Variants in ANKS1B observed in about 807,000 individuals in gnomAD.
ANKS1B encodes the protein ankyrin repeat and sterile alpha motif domain containing 1B.
ANKS1B carries 36 observed loss-of-function variants against 148.3 expected under a neutral mutation model. That is an observed-to-expected ratio of 0.24 (90% CI 0.19 to 0.32). The LOEUF (loss-of-function observed/expected upper bound fraction) is 0.32. Ranked by LOEUF, ANKS1B falls within the 10% of genes least tolerant of loss-of-function variation. ANKS1B has a pLI of 1.00. For synonymous variants in ANKS1B, 542 were observed against 560.8 expected (o/e 0.97, Z 0.47); for missense variants, 1,157 against 1,542.6 (o/e 0.75, Z 4.19).
intron 1 of ANKS1B, among the ~76,000 whole-genome samples, chr12:99,912,704 T>C (rs1195734358): frequency 6.6e-6 from 1 of 152,142 alleles, no homozygotes; most frequent in Admixed American, 6.6e-5. Flanking sequence ...TAAGGCTATC[T>C]GTATATTCAA....
Position 99,624,749 on chromosome 12 carries a change from G to C in ANKS1B, c.1272+30318C>G, listed in dbSNP as rs375262055. On this transcript the variant is annotated intron_variant, in intron 9 of 26. Transcript: ENST00000683438. ...GCTATTGTTAGAAAGTCAAAAAATA[G>C]CAGAAGTTGATGAGGCTGAGGAATA... 1.6e-3 allele frequency among the ~76,000 whole-genome samples: 250 copies of C among 152,040 alleles called. 7 individuals carry two copies. The South Asian group carries it at 0.044, about 27-fold the overall frequency.
rs2074336524 is a variant in ANKS1B, at chr12:99,249,767, CTCAA to C, written c.1757-2907_1757-2904del. Reference sequence around the variant, plus strand: ...CAGCGTGGCCATGTGCCTTGTACCGCTCAATCAGACTGCAGCAAATGTGATATAA... The same window carrying C: ...CAGCGTGGCCATGTGCCTTGTACCGCTCAGACTGCAGCAAATGTGATATAA... On this transcript the variant is annotated intron_variant, in intron 12 of 26. Coordinates refer to ENST00000683438, the MANE Select transcript of ANKS1B (RefSeq NM_001352186.2). Among the ~76,000 whole-genome samples the C allele has an allele frequency of 2.6e-5, 4 of 152,142 alleles. 1 individual carries two copies. The South Asian group carries it at 6.2e-4, about 24-fold the overall frequency.
At position 99,637,844 on chromosome 12, in the gene ANKS1B, CGG is replaced by C. The variant is rs111866383; in HGVS notation, c.1272+17221_1272+17222del. ...ATATATACACACACATACACATACA[CGG>C]AGAGAGAGAGAGAGACATAAAGAGA... is the stretch of plus-strand genomic sequence containing the variant. On this transcript the variant is annotated intron_variant, in intron 9 of 26. Coordinates refer to ENST00000683438, the MANE Select transcript of ANKS1B (RefSeq NM_001352186.2). Among the ~76,000 whole-genome samples, 209 of 145,108 alleles carry C rather than the reference CGG, an allele frequency of 1.4e-3. 1 individual carries two copies. The highest frequency in any genetic ancestry group is 4.3e-3 in the African/African-American group (170 of 39,526).
In ANKS1B at chr12:99,498,612, T is replaced by C. The variant is rs115411196; in HGVS notation, c.1438+5864A>G. Among the ~76,000 whole-genome samples the C allele has an allele frequency of 7.8e-3, 1,181 of 152,274 alleles. 11 individuals carry two copies. Among genetic ancestry groups the C allele is most frequent in the African/African-American group, 0.026 (1,099 of 41,532 alleles). ...TATTATCCTTAATTTTAACACATTC[T>C]AAGCTCCTAAAGGTCAACACTTATA... On this transcript the variant is annotated intron_variant, in intron 10 of 26. Transcript: ENST00000683438.
chr12:99,680,391 C>T lies in ANKS1B; in HGVS notation c.1129-25181G>A, dbSNP rs1178259277. On this transcript the variant is annotated intron_variant, in intron 8 of 26. Transcript: ENST00000683438. Reference sequence around the variant, plus strand: ...AGGAGGCAGAGGTTGCAGTGAGCCACGATCACGCCACTGCACACCAGGCTG... The same window carrying T: ...AGGAGGCAGAGGTTGCAGTGAGCCATGATCACGCCACTGCACACCAGGCTG... Among the ~76,000 whole-genome samples, 10 of 151,716 alleles carry T rather than the reference C, an allele frequency of 6.6e-5. No homozygotes were observed. In the South Asian group the frequency reaches 1.9e-3, roughly 28 times the overall value.
rs913779907 is a variant in ANKS1B, at chr12:99,825,617, A to G, written c.135-228T>C. 2.6e-5 allele frequency among the ~76,000 whole-genome samples: 4 copies of G among 152,242 alleles called. No homozygotes were observed. The East Asian group carries it at 5.8e-4, about 22-fold the overall frequency. ...ACTATTAATATCTTCAGAAATTATT[A>G]ACAAATGTGTGTCCATGGTCGTGCA... On this transcript the variant is annotated intron_variant, in intron 1 of 26. Coordinates refer to ENST00000683438, the MANE Select transcript of ANKS1B (RefSeq NM_001352186.2).
chr12:99,415,138 A>T (rs1054974648), intron 11 of ANKS1B, among the ~76,000 whole-genome samples: 20 of 148,092 alleles, frequency 1.4e-4, no homozygotes, highest in Non-Finnish European at 2.2e-4. Context: ...CCTCCAAACC[A>T]TGGAGTTTGT....
At position 99,891,110 on chromosome 12, in the gene ANKS1B, A is replaced by C. The variant is rs531339392; in HGVS notation, c.135-65721T>G. Among the ~76,000 whole-genome samples, 18 of 152,344 alleles carry C rather than the reference A, an allele frequency of 1.2e-4. No individual in the cohort carries two copies. In the South Asian group the frequency reaches 3.5e-3, roughly 30 times the overall value. On this transcript the variant is annotated intron_variant, in intron 1 of 26. Transcript: ENST00000683438. ...GAAGTTTATTCATTTTGTAGCGTGC[A>C]TCAATAGATCACTCCTAAAACTTCT...
chr12:99,400,798 C>T (rs1269430368), intron 11 of ANKS1B, among the ~76,000 whole-genome samples: 2 of 144,906 alleles, frequency 1.4e-5, no homozygotes, highest in Non-Finnish European at 3.0e-5. Context: ...CTCCAAAGTA[C>T]AATTAACTTT....
chr12:99,799,393 G>A (rs1253681308), intron 4 of ANKS1B, among the ~76,000 whole-genome samples: 1 of 152,072 alleles, frequency 6.6e-6, no homozygotes, highest in Non-Finnish European at 1.5e-5. Flanking sequence ...TCCAAAGAGA[G>A]ACCTCTCTGA....
At chr12:99,113,772 T>C (rs896570440) in intron 15 of ANKS1B, among the ~76,000 whole-genome samples, 6 of 152,182 alleles carry the variant, frequency 3.9e-5, no homozygotes, top group Admixed American at 1.3e-4. Flanking sequence ...GGGTCTCCCA[T>C]TCCACCTTAC....
intron 8 of ANKS1B, among the ~76,000 whole-genome samples, chr12:99,675,290 C>G (rs2098557138): frequency 2.6e-5 from 4 of 151,498 alleles, no homozygotes; most frequent in Admixed American, 1.3e-4. Context: ...GATATAAAAG[C>G]AAATAATTGA....
chr12:99,560,467 C>T (rs1280609568), intron 9 of ANKS1B, among the ~76,000 whole-genome samples: 1 of 151,910 alleles, frequency 6.6e-6, no homozygotes, highest in Non-Finnish European at 1.5e-5. Context: ...CTCTTGTTCC[C>T]TAGCTGTGAT....
chr12:99,835,561 C>T (rs1201703508), intron 1 of ANKS1B, among the ~76,000 whole-genome samples: 1 of 152,136 alleles, frequency 6.6e-6, no homozygotes, highest in East Asian at 1.9e-4. Flanking sequence ...AACATTATTT[C>T]AACATATAAT....
chr12:99,816,244 C>T (rs143387519), intron 2 of ANKS1B, among the ~76,000 whole-genome samples: 200 of 151,702 alleles, frequency 1.3e-3, no homozygotes, highest in African/African-American at 4.6e-3. Flanking sequence ...TGATTAGTGA[C>T]GTTGAGCACT....
At chr12:99,911,445 C>T (rs2094002634) in intron 1 of ANKS1B, among the ~76,000 whole-genome samples, 2 of 152,144 alleles carry the variant, frequency 1.3e-5, no homozygotes, top group South Asian at 4.1e-4. Context: ...GAAAAACTTA[C>T]TTAAAAATCT....
At chr12:98,788,220 C>G (rs1383249938) in intron 22 of ANKS1B, among the ~76,000 whole-genome samples, 1 of 143,416 alleles carries the variant, frequency 7.0e-6, no homozygotes, top group South Asian at 2.2e-4. Flanking sequence ...GCCGGACCAA[C>G]ATGGTGAAAC....
intron 19 of ANKS1B, among the ~76,000 whole-genome samples, chr12:98,823,576 G>A (rs1227987264): frequency 1.3e-5 from 2 of 152,176 alleles, no homozygotes; most frequent in African/African-American, 4.8e-5. Context: ...TGCAACCTCT[G>A]CCTCCAGGGT....
intron 14 of ANKS1B, among the ~76,000 whole-genome samples, chr12:99,219,593 G>A (rs533568250): frequency 2.0e-5 from 3 of 152,190 alleles, no homozygotes; most frequent in Admixed American, 2.0e-4. Flanking sequence ...CAAGAAAAAA[G>A]TCAAAGGTTA....
Sources: allele counts gnomAD v4.1 joint callset (sites outside exome capture counted in the v4.1 genomes callset), GRCh38; gene constraint gnomAD v4.1.1; transcripts MANE v1.5; gene names NCBI Gene and HGNC (gene_info 2026-07-23, HGNC 2026-07-21).